TIMMDC1: variants seen among roughly 807,000 people sequenced by gnomAD.
TIMMDC1 encodes the protein translocase of inner mitochondrial membrane domain containing 1, also known as complex I assembly factor TIMMDC1, mitochondrial.
A neutral mutation model predicts 32.6 loss-of-function variants in TIMMDC1; 25 were observed. The ratio of observed to expected loss-of-function variants is 0.77; its 90% CI spans 0.56 to 1.07. The LOEUF (loss-of-function observed/expected upper bound fraction) is 1.07. Among genes scored for constraint, TIMMDC1 ranks in the 50% least tolerant of loss-of-function variants. The pLI is 0.00. For synonymous variants in TIMMDC1, 130 were observed against 127.6 expected, an observed-to-expected ratio of 1.02 and a Z score of -0.13; for missense variants, 329 against 349.2, an observed-to-expected ratio of 0.94 and a Z score of 0.46.
intron 6 of TIMMDC1, 94 bp from the exon 7 acceptor site, chr3:119,523,512 G>T: frequency 1.5e-6 from 2 of 1,303,500 alleles, no homozygotes; most frequent in Admixed American, 2.6e-5. Flanking sequence ...ACCAAAGCAG[G>T]GAGGAAAAGA....
At chr3:119,503,645 T>G (rs2081895926) in intron 3 of TIMMDC1, 25 bp downstream of exon 3, 3 of 1,551,598 alleles carry the variant, frequency 1.9e-6, no homozygotes, top group Non-Finnish European at 2.6e-6. Context: ...AATTGTGAGA[T>G]AGTGAATTTT....
At chr3:119,508,613 G>A (rs890024311) in intron 4 of TIMMDC1, among the ~76,000 whole-genome samples, 1 of 152,240 alleles carries the variant, frequency 6.6e-6, no homozygotes, top group African/African-American at 2.4e-5. Context: ...CCAGCAGGAA[G>A]TTTCAACCAT....
At chr3:119,520,773 G>C (rs1486582196) in intron 6 of TIMMDC1, among the ~76,000 whole-genome samples, 1 of 151,974 alleles carries the variant, frequency 6.6e-6, no homozygotes, top group African/African-American at 2.4e-5. Context: ...AACAGACAAA[G>C]GCTCATTAAA....
intron 4 of TIMMDC1, 117 bp downstream of exon 4, chr3:119,504,138 A>G (rs2081900184): frequency 6.9e-6 from 5 of 719,940 alleles, no homozygotes; most frequent in Non-Finnish European, 1.2e-5. Context: ...CATCTCATCA[A>G]CATTGATGCA....
rs58978800 is a variant in TIMMDC1, at chr3:119,523,596, C to T, written c.708-10C>T. The T allele has an allele frequency of 0.05, 78,208 of 1,579,524 alleles. 9,287 individuals are homozygous for T. The highest frequency in any genetic ancestry group is 0.47 in the African/African-American group (33,993 of 72,836). Reference sequence around the variant, plus strand: ...GCAGTATTTGATTTATCCTTTTTATCTGATTACAGGAAAGGCAGACTACAA... The same window carrying T: ...GCAGTATTTGATTTATCCTTTTTATTTGATTACAGGAAAGGCAGACTACAA... On this transcript the variant is annotated splice_polypyrimidine_tract_variant and intron_variant, in intron 6 of 6. Coordinates refer to ENST00000494664, the MANE Select transcript of TIMMDC1 (RefSeq NM_016589.4).
chr3:119,519,375 CT>C (rs1417085735), intron 6 of TIMMDC1, among the ~76,000 whole-genome samples: 1 of 152,056 alleles, frequency 6.6e-6, no homozygotes, highest in East Asian at 1.9e-4. Flanking sequence ...CTCACTTCAC[CT>C]GTAAAGATAC....
chr3:119,498,598 T>C lies in TIMMDC1; in HGVS notation c.-136T>C. The C allele has an allele frequency of 1.3e-6, 1 of 799,926 alleles. No individual in the cohort carries two copies. Among genetic ancestry groups the C allele is most frequent in the Non-Finnish European group, 2.0e-6 (1 of 497,294 alleles). 49.6% of individuals were successfully genotyped at this position (799,926 alleles called of 1,614,324 possible). The stretch of plus-strand genomic sequence containing the variant: ...AGGCCGGGGACTGAAGGTGTGGGTG[T>C]CGAGCCCTCTGGCAGAGGGTTAACC... On this transcript the variant is annotated 5_prime_UTR_variant, in exon 1 of 7. Coordinates refer to ENST00000494664, the MANE Select transcript of TIMMDC1 (RefSeq NM_016589.4).
intron 1 of TIMMDC1, chr3:119,500,475 T>C: frequency 6.8e-6 from 3 of 443,534 alleles, no homozygotes; most frequent in Non-Finnish European, 1.2e-5. Context: ...GTCATTGTCT[T>C]TTCAGGAGTT....
At chr3:119,509,399 A>G (rs879914708) in intron 4 of TIMMDC1, among the ~76,000 whole-genome samples, 1 of 152,246 alleles carries the variant, frequency 6.6e-6, no homozygotes, top group Non-Finnish European at 1.5e-5. Context: ...TGATATGTCC[A>G]TTCACTTGAA....
Position 119,504,017 on chromosome 3 carries a change from A to T in TIMMDC1, c.513A>T (p.Ala171=), listed in dbSNP as rs1243966506. ...NKDALSHFVI[A]GAVTGSLFRI... ...ATGCCTTAAGCCATTTTGTAATTGCAGGAGGTAAGACATTTTTGTTTATAT... is the reference window on the plus strand; with the variant it reads ...ATGCCTTAAGCCATTTTGTAATTGCTGGAGGTAAGACATTTTTGTTTATAT... Residue 171 remains alanine, a synonymous_variant, in exon 4 of 7, where the codon GCA becomes GCT. Coordinates refer to ENST00000494664, the MANE Select transcript of TIMMDC1 (RefSeq NM_016589.4). 6.2e-7 allele frequency: 1 copy of T among 1,609,710 alleles called. No homozygotes were observed. Among genetic ancestry groups the T allele is most frequent in the Non-Finnish European group, 8.5e-7 (1 of 1,176,202 alleles).
chr3:119,508,301 G>A (rs1370298134), intron 4 of TIMMDC1, among the ~76,000 whole-genome samples: 1 of 152,056 alleles, frequency 6.6e-6, no homozygotes, highest in Non-Finnish European at 1.5e-5. Flanking sequence ...TCCTACTCTG[G>A]TACTGGTTTC....
At chr3:119,523,541 T>C (rs2107736916) in intron 6 of TIMMDC1, 65 bp from the exon 7 acceptor site, 3 of 1,460,922 alleles carry the variant, frequency 2.1e-6, no homozygotes, top group South Asian at 3.0e-5. Context: ...ATCCTTTTTG[T>C]TTTAAATCTG....
chr3:119,513,970 C>T (rs1197390490), intron 5 of TIMMDC1, among the ~76,000 whole-genome samples: 1 of 152,106 alleles, frequency 6.6e-6, no homozygotes, highest in Non-Finnish European at 1.5e-5. Context: ...CTCAATACAA[C>T]TATCTAAGAT....
chr3:119,512,033 T>TA (rs2081956072), intron 4 of TIMMDC1, among the ~76,000 whole-genome samples: 1 of 152,210 alleles, frequency 6.6e-6, no homozygotes, highest in Non-Finnish European at 1.5e-5. Flanking sequence ...GCCCAGAAAT[T>TA]TCATTTCTGT....
At chr3:119,520,767 G>A (rs1243119746) in intron 6 of TIMMDC1, among the ~76,000 whole-genome samples, 1 of 152,036 alleles carries the variant, frequency 6.6e-6, no homozygotes, top group Non-Finnish European at 1.5e-5. Context: ...ACAACAAACA[G>A]ACAAAGGCTC....
chr3:119,514,053 C>A (rs1297042520), intron 5 of TIMMDC1, among the ~76,000 whole-genome samples: 2 of 152,104 alleles, frequency 1.3e-5, no homozygotes, highest in African/African-American at 2.4e-5. Context: ...AACTATAGTT[C>A]GAACACAGGT....
At chr3:119,508,214 T>C (rs116137646) in intron 4 of TIMMDC1, among the ~76,000 whole-genome samples, 151 of 152,322 alleles carry the variant, frequency 9.9e-4, no homozygotes, top group African/African-American at 3.4e-3. Flanking sequence ...CCCTCTATGA[T>C]TGGCTCCCCT....
chr3:119,514,612 T>C (rs901337816), intron 5 of TIMMDC1, among the ~76,000 whole-genome samples: 3 of 152,246 alleles, frequency 2.0e-5, no homozygotes, highest in African/African-American at 7.2e-5. Context: ...GGTGAAGTTG[T>C]ATCCTCATGT....
chr3:119,507,605 C>T (rs941175411), intron 4 of TIMMDC1, among the ~76,000 whole-genome samples: 2 of 152,162 alleles, frequency 1.3e-5, no homozygotes, highest in African/African-American at 2.4e-5. Context: ...GCTTTAATCT[C>T]TTCATATGGT....
Sources: allele counts gnomAD v4.1 joint callset (sites outside exome capture counted in the v4.1 genomes callset), GRCh38; gene constraint gnomAD v4.1.1; transcripts MANE v1.5; gene names NCBI Gene and HGNC (gene_info 2026-07-23, HGNC 2026-07-21).